The following CERK variants were observed in gnomAD, a reference collection of about 807,000 sequenced individuals.
CERK encodes the protein ceramide kinase.
Under a neutral mutation model 63.4 loss-of-function variants are expected in CERK, and 39 were observed. The ratio of observed to expected loss-of-function variants is 0.61; its 90% CI spans 0.48 to 0.80. The LOEUF is 0.80. CERK is among the 30% of genes least tolerant of loss of function. The pLI is 0.00. For missense variants in CERK, 670 were observed against 714.1 expected, an observed-to-expected ratio of 0.94 and a Z score of 0.70; for synonymous variants, 302 against 280.0, an observed-to-expected ratio of 1.08 and a Z score of -0.78.
chr22:46,688,754 C>T (rs2082715622), intron 12 of CERK, among the ~76,000 whole-genome samples: 1 of 152,258 alleles, frequency 6.6e-6, no homozygotes, highest in Non-Finnish European at 1.5e-5. Flanking sequence ...GGCCTGCTGA[C>T]CAGCCTGCTA....
At position 46,691,021 on chromosome 22, in the gene CERK, GTATA is replaced by G. The variant is rs565877785; in HGVS notation, c.1332+547_1332+550del. Among the ~76,000 whole-genome samples, 1,259 of 142,408 alleles carry G rather than the reference GTATA, an allele frequency of 8.8e-3. 16 individuals carry two copies. The highest frequency in any genetic ancestry group is 9.5e-3 in the Non-Finnish European group (614 of 64,840). The allele number at this position is 142,408 out of a possible 152,430, so 93.4% of individuals were successfully genotyped here. A position where few individuals can be genotyped will look rare whatever the true frequency, so the allele number is the denominator to read the frequency against. On this transcript the variant is annotated intron_variant, in intron 11 of 12. Transcript: ENST00000216264. ...TATGTGTATGTATATACACATATAT[GTATA>G]TATACACATACACACACATGTATAC...
intron 11 of CERK, among the ~76,000 whole-genome samples, chr22:46,690,963 G>A (rs555972493): frequency 8.5e-4 from 129 of 151,990 alleles, no homozygotes; most frequent in African/African-American, 2.9e-3. Context: ...GTATGTATGT[G>A]TGTGTATATG....
intron 3 of CERK, among the ~76,000 whole-genome samples, chr22:46,719,341 C>T (rs2082881131): frequency 6.6e-6 from 1 of 151,938 alleles, no homozygotes; most frequent in African/African-American, 2.4e-5. Context: ...CAATAACTAA[C>T]CCACCAGGCT....
At chr22:46,707,797 A>G (rs1464232000) in intron 6 of CERK, 46 bp downstream of exon 6, 1 of 1,564,634 alleles carries the variant, frequency 6.4e-7, no homozygotes, top group Non-Finnish European at 8.7e-7. Flanking sequence ...AACAATTCCT[A>G]AGGACGGGAA....
chr22:46,702,223 A>C, intron 6 of CERK, among the ~76,000 whole-genome samples: 1 of 84,788 alleles, frequency 1.2e-5, no homozygotes. Flanking sequence ...AAATATATAT[A>C]TGTGTGTGTG....
rs554703894 is a variant in CERK, at chr22:46,693,517, A to C, written c.1050-14T>G. 1.2e-6 allele frequency: 2 copies of C among 1,610,832 alleles called. No homozygotes were observed. Among genetic ancestry groups the C allele is most frequent in the African/African-American group, 2.7e-5 (2 of 74,976 alleles). On this transcript the variant is annotated splice_polypyrimidine_tract_variant and intron_variant, in intron 9 of 12. Transcript: ENST00000216264. ...CAAACAAAGCATCTGAAAGACAAGA[A>C]TATCATCACCTTTTAAATATGGAGC... is the stretch of plus-strand genomic sequence containing the variant.
At chr22:46,712,314 AAT>A in intron 3 of CERK, 21 bp from the exon 4 acceptor site, 4 of 1,609,558 alleles carry the variant, frequency 2.5e-6, no homozygotes, top group Non-Finnish European at 3.4e-6. Context: ...ACAACATGTA[AAT>A]AACAACGAAA....
At chr22:46,734,955 A>G (rs78189442) in intron 1 of CERK, among the ~76,000 whole-genome samples, 251 of 152,272 alleles carry the variant, frequency 1.6e-3, no homozygotes, top group African/African-American at 5.8e-3. Context: ...CTTTATAAAC[A>G]CAGTACTGAC....
At chr22:46,721,092 C>T in intron 1 of CERK, 77 bp from the exon 2 acceptor site, 1 of 920,496 alleles carries the variant, frequency 1.1e-6, no homozygotes, top group East Asian at 2.5e-5. Flanking sequence ...CTCCAAGAAG[C>T]TGAGAATATT....
Position 46,693,392 on chromosome 22 carries a change from C to T in CERK, c.1126+35G>A, listed in dbSNP as rs1277212668. ...ACAGAAACCCGCACTCCAGCACACA[C>T]AGTGACAACACTGAGCCTGTGTTTT... On this transcript the variant is annotated intron_variant, in intron 10 of 12. Transcript: ENST00000216264. 8.2e-6 allele frequency: 13 copies of T among 1,582,966 alleles called. No individual in the cohort carries two copies. The East Asian group carries it at 2.9e-4, about 35-fold the overall frequency.
At chr22:46,709,540 C>G (rs1023218350) in intron 5 of CERK, among the ~76,000 whole-genome samples, 6 of 152,206 alleles carry the variant, frequency 3.9e-5, no homozygotes, top group African/African-American at 9.6e-5. Flanking sequence ...GGGGCAGGGG[C>G]TCCTTTTATT....
chr22:46,685,922 G>C lies in CERK; in HGVS notation c.*1212C>G, dbSNP rs1173133941. ...ACGGCCCCGCTCCTTACAGATCAAA[G>C]TTTAAGCCGCATATTCTCATATTTC... On this transcript the variant is annotated 3_prime_UTR_variant, in exon 13 of 13. Transcript: ENST00000216264. 2 of 152,190 alleles carry C rather than the reference G, an allele frequency of 1.3e-5. No homozygotes were observed. 9.4% of individuals were successfully genotyped at this position (152,190 alleles called of 1,614,324 possible).
chr22:46,728,749 C>T (rs946296336), intron 1 of CERK, among the ~76,000 whole-genome samples: 3 of 152,238 alleles, frequency 2.0e-5, no homozygotes, highest in Non-Finnish European at 2.9e-5. Flanking sequence ...GAGAGGCCAG[C>T]GTGCAGAGTC....
chr22:46,723,906 C>G lies in CERK; in HGVS notation c.143-2891G>C, dbSNP rs144057987. 5.5e-3 allele frequency among the ~76,000 whole-genome samples: 830 copies of G among 152,196 alleles called. 10 individuals are homozygous for G. Among genetic ancestry groups the G allele is most frequent in the African/African-American group, 0.019 (781 of 41,536 alleles). ...AGAGACGGGATTTCACCATGTTGGC[C>G]AGGATGGTCTTGAACTCCTGACCTC... On this transcript the variant is annotated intron_variant, in intron 1 of 12. Coordinates refer to ENST00000216264, the MANE Select transcript of CERK (RefSeq NM_022766.6).
At chr22:46,737,201 G>A (rs1468680656) in intron 1 of CERK, among the ~76,000 whole-genome samples, 1 of 151,012 alleles carries the variant, frequency 6.6e-6, no homozygotes, top group Non-Finnish European at 1.5e-5. Flanking sequence ...CTGAGGCAGG[G>A]AGAATTGCTT....
At chr22:46,712,350 T>C (rs2082845714) in intron 3 of CERK, 57 bp from the exon 4 acceptor site, 5 of 1,543,692 alleles carry the variant, frequency 3.2e-6, no homozygotes. Context: ...AACGAAGAGC[T>C]CTGTTACTGG....
chr22:46,690,979 ATG>A lies in CERK; in HGVS notation c.1332+591_1332+592del, dbSNP rs1488615114. The stretch of plus-strand genomic sequence containing the variant: ...TATGTATGTGTGTGTATATGTATGT[ATG>A]TGTGTATATGTATGTATGTGTATGT... On this transcript the variant is annotated intron_variant, in intron 11 of 12. Transcript: ENST00000216264. 6.6e-5 allele frequency among the ~76,000 whole-genome samples: 10 copies of A among 150,986 alleles called. No individual in the cohort carries two copies. In the South Asian group the frequency reaches 1.0e-3, roughly 16 times the overall value.
chr22:46,689,845 G>A (rs2082720858), intron 12 of CERK, 147 bp downstream of exon 12: 8 of 598,346 alleles, frequency 1.3e-5, no homozygotes, highest in Non-Finnish European at 2.3e-5. Flanking sequence ...ATTTGACATA[G>A]GGAGAGAAAA....
At chr22:46,712,082 G>C (rs1034333722) in intron 4 of CERK, 86 bp downstream of exon 4, 1 of 1,482,256 alleles carries the variant, frequency 6.7e-7, no homozygotes, top group Non-Finnish European at 9.3e-7. Context: ...GTGAGACACC[G>C]TCTAGAAAAA....
Sources: allele counts gnomAD v4.1 joint callset (sites outside exome capture counted in the v4.1 genomes callset), GRCh38; gene constraint gnomAD v4.1.1; transcripts MANE v1.5; gene names NCBI Gene and HGNC (gene_info 2026-07-23, HGNC 2026-07-21).